The following UBE4B variants were observed in gnomAD, a reference collection of about 807,000 sequenced individuals.
UBE4B encodes the protein ubiquitin conjugation factor E4 B.
Under a neutral mutation model 148.1 loss-of-function variants are expected in UBE4B, and 27 were observed. That is an observed-to-expected ratio of 0.18 (90% CI 0.13 to 0.25). The LOEUF is 0.25. UBE4B is among the 10% of genes least tolerant of loss of function. UBE4B has a pLI of 1.00. For synonymous variants in UBE4B, 596 were observed against 619.3 expected (o/e 0.96, Z 0.56); for missense variants, 1,170 against 1,662.4 (o/e 0.70, Z 5.15).
chr1:10,061,038 A>G (rs1051929703), intron 1 of UBE4B, among the ~76,000 whole-genome samples: 11 of 152,072 alleles, frequency 7.2e-5, no homozygotes, highest in African/African-American at 2.7e-4. Flanking sequence ...AAGCCACCGC[A>G]AGAGTTTGTT....
chr1:10,139,154 G>A (rs1645744473), intron 17 of UBE4B, among the ~76,000 whole-genome samples: 1 of 152,224 alleles, frequency 6.6e-6, no homozygotes, highest in South Asian at 2.1e-4. Flanking sequence ...CCAACACTTT[G>A]GGAGGCCGAG....
intron 17 of UBE4B, among the ~76,000 whole-genome samples, chr1:10,144,733 T>TA (rs765648505): frequency 0.34 from 46,507 of 135,884 alleles, 8,076 homozygotes; most frequent in African/African-American, 0.42. Context: ...GACTCTGTCT[T>TA]AAAAAAAAAA....
At position 10,033,608 on chromosome 1, in the gene UBE4B, C is replaced by T; in HGVS notation, c.-63C>T. 1 of 1,455,806 alleles carries T rather than the reference C, an allele frequency of 6.9e-7. No individual in the cohort carries two copies. Among genetic ancestry groups the T allele is most frequent in the Non-Finnish European group, 9.1e-7 (1 of 1,097,510 alleles). 90.2% of individuals were successfully genotyped at this position (1,455,806 alleles called of 1,614,324 possible). A position where few individuals can be genotyped will look rare whatever the true frequency, so the allele number is the denominator to read the frequency against. Reference sequence around the variant, plus strand: ...TAGACACCTTCCACTCTCCTTCCTCCCGCCGTGGTCTCGAGAACAGAAGGA... The same window carrying T: ...TAGACACCTTCCACTCTCCTTCCTCTCGCCGTGGTCTCGAGAACAGAAGGA... On this transcript the variant is annotated 5_prime_UTR_variant, in exon 1 of 28. Transcript: ENST00000343090.
intron 1 of UBE4B, among the ~76,000 whole-genome samples, chr1:10,064,807 A>C (rs1327294172): frequency 6.7e-6 from 1 of 150,136 alleles, no homozygotes; most frequent in Non-Finnish European, 1.5e-5. Context: ...TGTGTTGCCC[A>C]GGCTGGAGTG....
At chr1:10,113,859 G>A (rs1645261508) in intron 7 of UBE4B, among the ~76,000 whole-genome samples, 1 of 152,100 alleles carries the variant, frequency 6.6e-6, no homozygotes, top group Non-Finnish European at 1.5e-5. Flanking sequence ...GAGGTCAGGA[G>A]ATCGAGATCA....
chr1:10,103,231 G>A, intron 5 of UBE4B, 139 bp downstream of exon 5: 2 of 790,782 alleles, frequency 2.5e-6, no homozygotes, highest in Non-Finnish European at 3.8e-6. Flanking sequence ...TTCTTGATGA[G>A]GACACAATTG....
intron 2 of UBE4B, among the ~76,000 whole-genome samples, chr1:10,091,575 G>T (rs893748287): frequency 1.3e-5 from 2 of 151,848 alleles, no homozygotes; most frequent in Non-Finnish European, 2.9e-5. Flanking sequence ...CTCTCAAGTA[G>T]CTAAGATTAC....
intron 1 of UBE4B, among the ~76,000 whole-genome samples, chr1:10,061,663 T>C (rs1644288185): frequency 6.6e-6 from 1 of 152,150 alleles, no homozygotes; most frequent in Admixed American, 6.5e-5. Context: ...TTGAAGGTCC[T>C]CCTGGCCTTC....
At chr1:10,141,303 G>A (rs760772718) in intron 17 of UBE4B, among the ~76,000 whole-genome samples, 10 of 152,120 alleles carry the variant, frequency 6.6e-5, no homozygotes, top group Non-Finnish European at 1.5e-4. Flanking sequence ...TAGGTCCAGT[G>A]TCATTGCAAA....
chr1:10,063,238 C>T (rs1170815732), intron 1 of UBE4B, among the ~76,000 whole-genome samples: 7 of 151,984 alleles, frequency 4.6e-5, no homozygotes, highest in Non-Finnish European at 1.5e-5. Context: ...TCTGCACTCC[C>T]GCCTGGGTGA....
At chr1:10,159,091 C>T (rs140083532) in intron 22 of UBE4B, among the ~76,000 whole-genome samples, 6 of 151,324 alleles carry the variant, frequency 4.0e-5, no homozygotes, top group Non-Finnish European at 7.4e-5. Flanking sequence ...GTGTTTTCTA[C>T]GATGACAGTG....
At chr1:10,050,861 C>T (rs927094663) in intron 1 of UBE4B, among the ~76,000 whole-genome samples, 5 of 152,188 alleles carry the variant, frequency 3.3e-5, no homozygotes, top group East Asian at 1.9e-4. Context: ...CCACCACAAC[C>T]GGCCTGCCTC....
intron 16 of UBE4B, 77 bp from the exon 17 acceptor site, chr1:10,136,990 T>C: frequency 6.9e-7 from 1 of 1,456,608 alleles, no homozygotes; most frequent in Non-Finnish European, 9.4e-7. Context: ...AATGTAATTT[T>C]CTCTTCTGAA....
intron 3 of UBE4B, among the ~76,000 whole-genome samples, chr1:10,098,151 G>A (rs911724636): frequency 1.2e-4 from 18 of 152,106 alleles, no homozygotes; most frequent in South Asian, 2.1e-4. Flanking sequence ...GATTACAGGC[G>A]TCTTATATTT....
intron 3 of UBE4B, 25 bp from the exon 4 acceptor site, chr1:10,101,083 G>C: frequency 1.2e-6 from 2 of 1,605,692 alleles, no homozygotes; most frequent in Non-Finnish European, 1.7e-6. Flanking sequence ...AAGGTAAAAG[G>C]CTTGTTTGTC....
chr1:10,041,151 A>G (rs1643746547), intron 1 of UBE4B, among the ~76,000 whole-genome samples: 1 of 152,078 alleles, frequency 6.6e-6, no homozygotes, highest in South Asian at 2.1e-4. Flanking sequence ...CAAGGTTGGC[A>G]TCCTTATCCC....
At chr1:10,141,777 G>T (rs1271820454) in intron 17 of UBE4B, among the ~76,000 whole-genome samples, 1 of 152,114 alleles carries the variant, frequency 6.6e-6, no homozygotes, top group East Asian at 1.9e-4. Context: ...GGTCATTATA[G>T]AAACTGCTTC....
chr1:10,175,751 T>C (rs1646419951), intron 25 of UBE4B, among the ~76,000 whole-genome samples: 1 of 152,208 alleles, frequency 6.6e-6, no homozygotes. Flanking sequence ...AAGTAATTGC[T>C]CCCTCCTCTA....
intron 15 of UBE4B, among the ~76,000 whole-genome samples, chr1:10,132,788 G>C (rs1346193503): frequency 6.6e-6 from 1 of 152,220 alleles, no homozygotes; most frequent in East Asian, 1.9e-4. Flanking sequence ...AGGCCTCCCT[G>C]AGGAGGTGAC....
Sources: gnomAD v4.1 joint callset for allele counts (sites outside exome capture counted in the v4.1 genomes callset) on GRCh38, gnomAD v4.1.1 for gene constraint, MANE v1.5 for transcripts, NCBI Gene and HGNC (gene_info 2026-07-23, HGNC 2026-07-21) for gene names.